Variants in LHCGR observed in about 807,000 individuals in gnomAD.
LHCGR encodes the protein lutropin-choriogonadotropic hormone receptor.
LHCGR carries 55 observed loss-of-function variants against 60.7 expected under a neutral mutation model. The observed-to-expected ratio is 0.91, with a 90% CI of 0.73 to 1.13. The LOEUF (loss-of-function observed/expected upper bound fraction) is 1.13. Among genes scored for constraint, LHCGR ranks in the 50% most tolerant of loss-of-function variants. The pLI is 0.00. For missense variants in LHCGR, 862 were observed against 836.0 expected (o/e 1.03, Z -0.38); for synonymous variants, 337 against 316.5 (o/e 1.06, Z -0.69).
chr2:48,748,358 A>G (rs1385363243), intron 1 of LHCGR, among the ~76,000 whole-genome samples: 2 of 152,062 alleles, frequency 1.3e-5, no homozygotes, highest in Non-Finnish European at 2.9e-5. Flanking sequence ...GAAAGGGGGG[A>G]GGAAAAGATC....
intron 1 of LHCGR, among the ~76,000 whole-genome samples, chr2:48,748,348 G>T (rs180818801): frequency 1.4e-3 from 215 of 152,254 alleles, no homozygotes; most frequent in Middle Eastern, 6.8e-3. Context: ...TAGGGATGGG[G>T]AAAGGGGGGA....
At chr2:48,700,465 G>C (rs1019543813) in intron 8 of LHCGR, among the ~76,000 whole-genome samples, 2 of 152,140 alleles carry the variant, frequency 1.3e-5, no homozygotes, top group Non-Finnish European at 2.9e-5. Flanking sequence ...GGACATGAGA[G>C]TGTAGGGGTC....
chr2:48,687,698 T>C lies in LHCGR; in HGVS notation c.2099A>G (p.Ter700=). ...LLDKTRYTEC[*] ...ATAATGCAGTTACTGATGTAACAGTTAACACTCTGTGTAGCGAGTCTTGTC... is the reference window on the plus strand; with the variant it reads ...ATAATGCAGTTACTGATGTAACAGTCAACACTCTGTGTAGCGAGTCTTGTC... The change falls in exon 11 of 11, where the codon TAA becomes TGA. Residue 700 remains the stop codon, a stop_retained_variant. Coordinates refer to ENST00000294954, the MANE Select transcript of LHCGR (RefSeq NM_000233.4). 1 of 1,611,756 alleles carries C rather than the reference T, an allele frequency of 6.2e-7. No individual in the cohort carries two copies. Among genetic ancestry groups the C allele is most frequent in the South Asian group, 1.1e-5 (1 of 91,024 alleles).
intron 8 of LHCGR, among the ~76,000 whole-genome samples, chr2:48,703,152 T>C (rs1667494394): frequency 6.6e-6 from 1 of 152,176 alleles, no homozygotes; most frequent in Non-Finnish European, 1.5e-5. Context: ...GTTTAAGTTC[T>C]TTGTAGATTC....
intron 7 of LHCGR, among the ~76,000 whole-genome samples, chr2:48,709,261 C>T (rs1667858964): frequency 6.6e-6 from 1 of 152,098 alleles, no homozygotes; most frequent in Non-Finnish European, 1.5e-5. Flanking sequence ...CTTGGTAGAA[C>T]TCTGTCCTAC....
intron 8 of LHCGR, among the ~76,000 whole-genome samples, chr2:48,704,002 T>G (rs940764066): frequency 6.6e-6 from 1 of 152,180 alleles, no homozygotes; most frequent in South Asian, 2.1e-4. Context: ...TTTGCCCATT[T>G]GGTATGATAT....
chr2:48,724,571 A>G (rs1668637774), intron 4 of LHCGR, among the ~76,000 whole-genome samples: 1 of 152,206 alleles, frequency 6.6e-6, no homozygotes, highest in African/African-American at 2.4e-5. Context: ...GTGTGGGATT[A>G]GACTGCAACG....
intron 4 of LHCGR, among the ~76,000 whole-genome samples, chr2:48,724,068 C>T (rs948481367): frequency 8.5e-5 from 13 of 152,224 alleles, no homozygotes; most frequent in African/African-American, 2.2e-4. Context: ...CTTGATAGTT[C>T]GAGAAAGCAT....
At chr2:48,710,693 T>C (rs1417503422) in intron 7 of LHCGR, among the ~76,000 whole-genome samples, 3 of 152,158 alleles carry the variant, frequency 2.0e-5, no homozygotes, top group Non-Finnish European at 4.4e-5. Flanking sequence ...ATGGACTGAC[T>C]CCTAGACCCC....
chr2:48,727,618 G>T (rs1172524517), intron 3 of LHCGR, among the ~76,000 whole-genome samples: 1 of 152,174 alleles, frequency 6.6e-6, no homozygotes, highest in Admixed American at 6.5e-5. Flanking sequence ...AGCTTTCCAG[G>T]TCTGGGATAG....
At chr2:48,746,995 T>A (rs967705534) in intron 1 of LHCGR, among the ~76,000 whole-genome samples, 24 of 151,828 alleles carry the variant, frequency 1.6e-4, no homozygotes, top group Non-Finnish European at 2.8e-4. Context: ...AAGCGCCTCT[T>A]TCCCAACACT....
At chr2:48,751,329 T>C (rs994165309) in intron 1 of LHCGR, among the ~76,000 whole-genome samples, 4 of 152,098 alleles carry the variant, frequency 2.6e-5, no homozygotes, top group African/African-American at 9.7e-5. Context: ...AAGAAATATT[T>C]CCCCCCCAGC....
At chr2:48,745,202 G>C (rs1669641788) in intron 1 of LHCGR, among the ~76,000 whole-genome samples, 1 of 152,216 alleles carries the variant, frequency 6.6e-6, no homozygotes, top group Admixed American at 6.5e-5. Context: ...AACGACAGAT[G>C]CTGGAGAGGA....
chr2:48,726,913 G>C (rs1668760768), intron 3 of LHCGR, among the ~76,000 whole-genome samples: 1 of 152,214 alleles, frequency 6.6e-6, no homozygotes, highest in Admixed American at 6.5e-5. Flanking sequence ...CTGAGAAGTA[G>C]CAGAACTTGG....
In LHCGR at chr2:48,743,905, TCC is replaced by T. The variant is rs1669585953; in HGVS notation, c.161+11604_161+11605del. On this transcript the variant is annotated intron_variant, in intron 1 of 10. Transcript: ENST00000294954. ...ATTAGGAAAAGAGGAAGTCAAATTG[TCC>T]CTGTTTGCAGACGACGTGATTGTAT... is the stretch of plus-strand genomic sequence containing the variant. 4.0e-5 allele frequency among the ~76,000 whole-genome samples: 6 copies of T among 151,488 alleles called. No homozygotes were observed. The South Asian group carries it at 1.3e-3, about 32-fold the overall frequency.
chr2:48,694,661 C>G (rs962475221), intron 9 of LHCGR, among the ~76,000 whole-genome samples: 9 of 152,238 alleles, frequency 5.9e-5, no homozygotes, highest in Non-Finnish European at 7.4e-5. Context: ...CCACATTGGC[C>G]TTAACAAATA....
At position 48,686,892 on chromosome 2, in the gene LHCGR, T is replaced by G. The variant is rs1186633571; in HGVS notation, c.*805A>C. 1 of 152,188 alleles carries G rather than the reference T, an allele frequency of 6.6e-6. No homozygotes were observed. Among genetic ancestry groups the G allele is most frequent in the Non-Finnish European group, 1.5e-5 (1 of 68,022 alleles). 9.4% of individuals were successfully genotyped at this position (152,188 alleles called of 1,614,324 possible). On this transcript the variant is annotated 3_prime_UTR_variant, in exon 11 of 11. Coordinates refer to ENST00000294954, the MANE Select transcript of LHCGR (RefSeq NM_000233.4). ...TAATTCTAACTCAGCACATTTGTAG[T>G]GTACCATTGCCAAGATCTTGAGGTA... is the stretch of plus-strand genomic sequence containing the variant.
At chr2:48,710,126 G>T (rs1667906837) in intron 7 of LHCGR, among the ~76,000 whole-genome samples, 1 of 152,124 alleles carries the variant, frequency 6.6e-6, no homozygotes, top group Non-Finnish European at 1.5e-5. Flanking sequence ...CTCACTCTGG[G>T]TGGCTGTTTT....
intron 6 of LHCGR, among the ~76,000 whole-genome samples, chr2:48,715,823 C>A (rs1278493029): frequency 6.6e-6 from 1 of 152,102 alleles, no homozygotes; most frequent in East Asian, 1.9e-4. Flanking sequence ...CTAGAGATTA[C>A]AAAATAATTC....
Sources: gnomAD v4.1 joint callset for allele counts (sites outside exome capture counted in the v4.1 genomes callset) on GRCh38, gnomAD v4.1.1 for gene constraint, MANE v1.5 for transcripts, NCBI Gene and HGNC (gene_info 2026-07-23, HGNC 2026-07-21) for gene names.